Variants in DEPTOR observed in about 807,000 individuals in gnomAD.
The protein encoded by DEPTOR is DEP domain-containing mTOR-interacting protein.
Under a neutral mutation model 41.6 loss-of-function variants are expected in DEPTOR, and 41 were observed. The observed-to-expected ratio is 0.98, with a 90% CI of 0.77 to 1.28. The LOEUF is 1.28. DEPTOR is among the 50% of genes most tolerant of loss of function. The pLI is 0.00. For synonymous variants in DEPTOR, 195 were observed against 192.3 expected (o/e 1.01, Z -0.12); for missense variants, 514 against 527.9 (o/e 0.97, Z 0.26).
At chr8:119,899,526 G>A (rs898025282) in intron 1 of DEPTOR, among the ~76,000 whole-genome samples, 1 of 152,182 alleles carries the variant, frequency 6.6e-6, no homozygotes, top group Non-Finnish European at 1.5e-5. Flanking sequence ...ATTTACAATG[G>A]TAGTCAAAAA....
At chr8:119,986,610 C>T (rs570674290) in intron 4 of DEPTOR, among the ~76,000 whole-genome samples, 16 of 152,158 alleles carry the variant, frequency 1.1e-4, no homozygotes, top group Non-Finnish European at 1.8e-4. Context: ...TGGATAATAT[C>T]CTGAAGAGTG....
chr8:119,880,377 A>C lies in DEPTOR; in HGVS notation c.122+6409A>C, dbSNP rs144032568. Among the ~76,000 whole-genome samples the C allele has an allele frequency of 1.4e-3, 213 of 152,236 alleles. 6 individuals carry two copies. The East Asian group carries it at 0.038, about 27-fold the overall frequency. On this transcript the variant is annotated intron_variant, in intron 1 of 8. Transcript: ENST00000286234. ...ATTACTTTTATTTTGTAGATTAAAA[A>C]ATTGAGGAAAAGATCATTTAAACCA...
intron 8 of DEPTOR, among the ~76,000 whole-genome samples, chr8:120,028,474 T>TTTTTC (rs1812835827): frequency 7.0e-6 from 1 of 143,748 alleles, no homozygotes; most frequent in African/African-American, 2.6e-5. Flanking sequence ...TTTTTTTTTT[T>TTTTTC]CCTGAGACGG....
chr8:119,959,158 CTTTTTTTTTTTTTT>C (rs60202859), intron 3 of DEPTOR, among the ~76,000 whole-genome samples: 15 of 114,850 alleles, frequency 1.3e-4, no homozygotes, highest in East Asian at 9.8e-4. Flanking sequence ...TTCTTTCTTT[CTTTTTTTTTTTTTT>C]TTTTTTTTGA....
rs376967425 is a variant in DEPTOR, at chr8:120,032,218, T to C, written c.1102-17358T>C. 7.7e-3 allele frequency among the ~76,000 whole-genome samples: 1,102 copies of C among 142,884 alleles called. 21 individuals are homozygous for C. The highest frequency in any genetic ancestry group is 0.029 in the Middle Eastern group (8 of 280). 93.7% of individuals were successfully genotyped at this position (142,884 alleles called of 152,430 possible). A position where few individuals can be genotyped will look rare whatever the true frequency, so the allele number is the denominator to read the frequency against. ...TAATATGACACTAACTTTCTTTTTT[T>C]TTTTTTTTTTTTTTTTTTGAGACAA... On this transcript the variant is annotated intron_variant, in intron 8 of 8. Coordinates refer to ENST00000286234, the MANE Select transcript of DEPTOR (RefSeq NM_022783.4).
chr8:119,965,579 C>T (rs1366178265), intron 4 of DEPTOR, among the ~76,000 whole-genome samples, 169 bp downstream of exon 4: 4 of 152,198 alleles, frequency 2.6e-5, no homozygotes, highest in African/African-American at 9.6e-5. Flanking sequence ...CTGTGCTCCA[C>T]GCCTTTCCAT....
chr8:119,879,612 G>A lies in DEPTOR; in HGVS notation c.122+5644G>A, dbSNP rs189236292. Among the ~76,000 whole-genome samples the A allele has an allele frequency of 7.9e-5, 12 of 151,976 alleles. No homozygotes were observed. In the East Asian group the frequency reaches 1.9e-3, roughly 25 times the overall value. Reference sequence around the variant, plus strand: ...CTATAGTCCCATCTACTCAGGAGGCGAGGCACAAGAATAGCTTGAACCCAG... The same window carrying A: ...CTATAGTCCCATCTACTCAGGAGGCAAGGCACAAGAATAGCTTGAACCCAG... On this transcript the variant is annotated intron_variant, in intron 1 of 8. Coordinates refer to ENST00000286234, the MANE Select transcript of DEPTOR (RefSeq NM_022783.4).
intron 8 of DEPTOR, among the ~76,000 whole-genome samples, chr8:120,034,264 T>TACACACACACACACACAC (rs71571645): frequency 1.0e-4 from 15 of 145,376 alleles, no homozygotes; most frequent in African/African-American, 2.0e-4. Flanking sequence ...GCAAAGCATG[T>TACACACACACACACACAC]ACACACACAC....
At chr8:119,910,785 A>G (rs949104457) in intron 1 of DEPTOR, among the ~76,000 whole-genome samples, 1 of 152,282 alleles carries the variant, frequency 6.6e-6, no homozygotes, top group South Asian at 2.1e-4. Flanking sequence ...ATAAAAATAA[A>G]TCACAGTACC....
intron 8 of DEPTOR, among the ~76,000 whole-genome samples, chr8:120,047,524 C>G (rs1210280100): frequency 6.6e-6 from 1 of 151,518 alleles, no homozygotes. Flanking sequence ...TCCGCCACCA[C>G]GCCCAGCTAA....
At chr8:119,892,251 G>C (rs1055079595) in intron 1 of DEPTOR, among the ~76,000 whole-genome samples, 1 of 152,118 alleles carries the variant, frequency 6.6e-6, no homozygotes, top group Non-Finnish European at 1.5e-5. Context: ...TGCCCGCCTT[G>C]GTCTCCCAAA....
Position 119,965,375 on chromosome 8 carries a change from G to C in DEPTOR, c.569G>C (p.Cys190Ser), listed in dbSNP as rs375478838. ...ATTRKEAEQL[C>S]HRLMEHGIIQ... ...ACGAGGAAAGAGGCAGAGCAGCTTT[G>C]CCACCGGCTTATGGAGCATGGCATC... The change falls in exon 4 of 9, where the codon TGC (cysteine) becomes TCC (serine). Residue 190 changes from cysteine (C) to serine (S), a missense_variant. Transcript: ENST00000286234. The C allele has an allele frequency of 6.2e-7, 1 of 1,614,030 alleles. No homozygotes were observed. The highest frequency in any genetic ancestry group is 8.5e-7 in the Non-Finnish European group (1 of 1,180,002).
chr8:120,003,946 G>A (rs142709882), intron 6 of DEPTOR, among the ~76,000 whole-genome samples: 2 of 152,140 alleles, frequency 1.3e-5, no homozygotes, highest in African/African-American at 2.4e-5. Context: ...TACAGTAACC[G>A]CCAGAGAACA....
chr8:120,030,685 A>G (rs755482010), intron 8 of DEPTOR, among the ~76,000 whole-genome samples: 1 of 151,406 alleles, frequency 6.6e-6, no homozygotes, highest in Non-Finnish European at 1.5e-5. Flanking sequence ...TTGTATTTTT[A>G]GTAGAGATGG....
At chr8:120,044,019 G>C (rs1813118410) in intron 8 of DEPTOR, among the ~76,000 whole-genome samples, 1 of 150,306 alleles carries the variant, frequency 6.7e-6, no homozygotes, top group African/African-American at 2.5e-5. Context: ...CTTAAAAAAA[G>C]AGATTGCATT....
chr8:119,903,184 G>A lies in DEPTOR; in HGVS notation c.123-25216G>A, dbSNP rs149974421. Among the ~76,000 whole-genome samples, 710 of 152,032 alleles carry A rather than the reference G, an allele frequency of 4.7e-3. 7 individuals carry two copies. Among genetic ancestry groups the A allele is most frequent in the African/African-American group, 0.016 (672 of 41,468 alleles). ...TGCGATCTCAGCTCACTGCAACCTC[G>A]GCCTCCTGGGTTCAAGCAATTCTCC... On this transcript the variant is annotated intron_variant, in intron 1 of 8. Coordinates refer to ENST00000286234, the MANE Select transcript of DEPTOR (RefSeq NM_022783.4).
rs1258862810 is a variant in DEPTOR, at chr8:119,965,172, C to G, written c.426-60C>G. The G allele has an allele frequency of 3.3e-6, 5 of 1,512,512 alleles. No individual in the cohort carries two copies. The Admixed American group carries it at 1.1e-4, about 34-fold the overall frequency. 93.7% of individuals were successfully genotyped at this position (1,512,512 alleles called of 1,614,324 possible). On this transcript the variant is annotated intron_variant, in intron 3 of 8. Coordinates refer to ENST00000286234, the MANE Select transcript of DEPTOR (RefSeq NM_022783.4). ...AGTACTTCATGGAAATCTATGATTT[C>G]AAATGAGCTGTTTTCCTTTCGTATA...
At chr8:119,885,156 A>G (rs1462769159) in intron 1 of DEPTOR, among the ~76,000 whole-genome samples, 2 of 151,520 alleles carry the variant, frequency 1.3e-5, no homozygotes, top group Non-Finnish European at 2.9e-5. Context: ...CCCTCTTTTC[A>G]CTGAATTTTT....
intron 8 of DEPTOR, among the ~76,000 whole-genome samples, chr8:120,025,330 G>C (rs1335387756): frequency 6.6e-6 from 1 of 152,048 alleles, no homozygotes; most frequent in Non-Finnish European, 1.5e-5. Flanking sequence ...TTTGCCTTTA[G>C]CTTCAGAGTC....
Sources: allele counts gnomAD v4.1 joint callset (sites outside exome capture counted in the v4.1 genomes callset), GRCh38; gene constraint gnomAD v4.1.1; transcripts MANE v1.5; gene names NCBI Gene and HGNC (gene_info 2026-07-23, HGNC 2026-07-21).